The following SRBD1 variants were observed in gnomAD, a reference collection of about 807,000 sequenced individuals.
The protein encoded by SRBD1 is S1 RNA-binding domain-containing protein 1.
SRBD1 carries 88 observed loss-of-function variants against 115.3 expected under a neutral mutation model. That is an observed-to-expected ratio of 0.76 (90% CI 0.64 to 0.91). SRBD1 has a LOEUF of 0.91. Among genes scored for constraint, SRBD1 ranks in the 40% least tolerant of loss-of-function variants. The pLI is 0.00. For synonymous variants in SRBD1, 509 were observed against 407.7 expected (o/e 1.25, Z -2.99); for missense variants, 1,385 against 1,177.4 (o/e 1.18, Z -2.58).
chr2:45,603,723 T>G (rs1348225916), intron 2 of SRBD1, among the ~76,000 whole-genome samples: 2 of 152,096 alleles, frequency 1.3e-5, no homozygotes, highest in Non-Finnish European at 1.5e-5. Flanking sequence ...AGAGCCGGGT[T>G]TCACTATGAT....
intron 18 of SRBD1, among the ~76,000 whole-genome samples, chr2:45,416,447 A>C (rs1366181348): frequency 7.2e-6 from 1 of 138,958 alleles, no homozygotes; most frequent in Non-Finnish European, 1.6e-5. Flanking sequence ...AATAAGCTTC[A>C]TCAATAAGAC....
chr2:45,536,154 A>G (rs1044890627), intron 14 of SRBD1, among the ~76,000 whole-genome samples: 12 of 152,058 alleles, frequency 7.9e-5, no homozygotes, highest in Non-Finnish European at 1.5e-4. Context: ...TGCATATTAT[A>G]TAATATAATT....
intron 4 of SRBD1, among the ~76,000 whole-genome samples, chr2:45,586,927 A>G (rs1241135507): frequency 6.8e-6 from 1 of 147,114 alleles, no homozygotes; most frequent in Non-Finnish European, 1.5e-5. Context: ...ATTATTTTAA[A>G]TTATAAATAT....
At chr2:45,507,675 G>A (rs963169881) in intron 14 of SRBD1, among the ~76,000 whole-genome samples, 24 of 151,820 alleles carry the variant, frequency 1.6e-4, no homozygotes, top group African/African-American at 5.1e-4. Flanking sequence ...AGCTGAGATC[G>A]TGCCACTGTA....
intron 14 of SRBD1, among the ~76,000 whole-genome samples, chr2:45,517,607 AAT>A (rs1418965936): frequency 3.9e-5 from 6 of 152,224 alleles, no homozygotes; most frequent in Non-Finnish European, 7.3e-5. Context: ...TCAGTCTCTG[AAT>A]ATGAGTTTCA....
At chr2:45,554,861 G>A (rs1672422798) in intron 10 of SRBD1, among the ~76,000 whole-genome samples, 1 of 151,818 alleles carries the variant, frequency 6.6e-6, no homozygotes, top group Non-Finnish European at 1.5e-5. Context: ...CCCCTTAACT[G>A]CTCTATAGGT....
At chr2:45,399,172 A>G (rs1169837947) in intron 19 of SRBD1, among the ~76,000 whole-genome samples, 2 of 152,124 alleles carry the variant, frequency 1.3e-5, no homozygotes, top group Non-Finnish European at 2.9e-5. Flanking sequence ...CCCTGCCCAA[A>G]TGATAAAGAT....
At chr2:45,606,848 T>C (rs937361650) in intron 1 of SRBD1, among the ~76,000 whole-genome samples, 3 of 152,204 alleles carry the variant, frequency 2.0e-5, no homozygotes, top group Admixed American at 6.5e-5. Context: ...TCTGACATGT[T>C]TGGAACCCTT....
chr2:45,510,137 A>T (rs1670922730), intron 14 of SRBD1, among the ~76,000 whole-genome samples: 1 of 152,220 alleles, frequency 6.6e-6, no homozygotes, highest in South Asian at 2.1e-4. Context: ...TTCAGAAACA[A>T]ATTAGCACGC....
At chr2:45,522,977 T>C (rs1004393605) in intron 14 of SRBD1, among the ~76,000 whole-genome samples, 1 of 152,072 alleles carries the variant, frequency 6.6e-6, no homozygotes, top group Non-Finnish European at 1.5e-5. Flanking sequence ...AACCTCCACA[T>C]TGTTCAAGGG....
intron 14 of SRBD1, among the ~76,000 whole-genome samples, chr2:45,511,615 G>C (rs991188991): frequency 6.6e-6 from 1 of 152,226 alleles, no homozygotes; most frequent in Non-Finnish European, 1.5e-5. Flanking sequence ...GTGGCTACTA[G>C]AGTGATCAAA....
chr2:45,547,406 T>C (rs1013483691), intron 13 of SRBD1, 116 bp downstream of exon 13: 3 of 851,624 alleles, frequency 3.5e-6, no homozygotes, highest in African/African-American at 1.7e-5. Flanking sequence ...TTTTATATGG[T>C]TTATTGTCTC....
intron 14 of SRBD1, among the ~76,000 whole-genome samples, chr2:45,542,414 G>A (rs1384083739): frequency 6.6e-6 from 1 of 152,222 alleles, no homozygotes; most frequent in East Asian, 1.9e-4. Flanking sequence ...CTGGGCAGCT[G>A]CAACTGCGCC....
chr2:45,400,614 C>T (rs1190842593), intron 19 of SRBD1, among the ~76,000 whole-genome samples: 1 of 151,912 alleles, frequency 6.6e-6, no homozygotes, highest in Non-Finnish European at 1.5e-5. Flanking sequence ...TAACTCTCCC[C>T]CACTCCCTCC....
rs76025241 is a variant in SRBD1, at chr2:45,516,033, C to G, written c.1875-27702G>C. Among the ~76,000 whole-genome samples, 562 of 152,248 alleles carry G rather than the reference C, an allele frequency of 3.7e-3. 9 individuals carry two copies. Among genetic ancestry groups the G allele is most frequent in the African/African-American group, 0.013 (535 of 41,552 alleles). Reference sequence around the variant, plus strand: ...TTTTTCTTCCACTCTCAAAACACTCCTAGTCAAGTATTCAGCCTTGACTTT... The same window carrying G: ...TTTTTCTTCCACTCTCAAAACACTCGTAGTCAAGTATTCAGCCTTGACTTT... On this transcript the variant is annotated intron_variant, in intron 14 of 20. Coordinates refer to ENST00000263736, the MANE Select transcript of SRBD1 (RefSeq NM_018079.5).
chr2:45,462,907 A>AATG (rs1553336280), intron 16 of SRBD1, among the ~76,000 whole-genome samples: 10 of 149,394 alleles, frequency 6.7e-5, no homozygotes, highest in Admixed American at 2.0e-4. Context: ...AGTTGTTCAA[A>AATG]ACGACAACAC....
At chr2:45,495,403 T>C (rs1378765149) in intron 14 of SRBD1, among the ~76,000 whole-genome samples, 1 of 152,120 alleles carries the variant, frequency 6.6e-6, no homozygotes, top group Non-Finnish European at 1.5e-5. Context: ...TCTACTGAGG[T>C]AGAAGAAATT....
intron 14 of SRBD1, among the ~76,000 whole-genome samples, chr2:45,509,460 G>C (rs1476078105): frequency 6.6e-6 from 1 of 152,082 alleles, no homozygotes; most frequent in African/African-American, 2.4e-5. Context: ...GCCGGGCGCG[G>C]TGGTGGGCGC....
intron 16 of SRBD1, among the ~76,000 whole-genome samples, chr2:45,436,837 T>G (rs556661645): frequency 1.3e-5 from 2 of 152,164 alleles, no homozygotes; most frequent in Non-Finnish European, 2.9e-5. Context: ...AAACTCTTTG[T>G]TCACAGATAA....
Sources: allele counts gnomAD v4.1 joint callset (sites outside exome capture counted in the v4.1 genomes callset), GRCh38; gene constraint gnomAD v4.1.1; transcripts MANE v1.5; gene names NCBI Gene and HGNC (gene_info 2026-07-23, HGNC 2026-07-21).